The following TET1 variants were observed in gnomAD, a reference collection of about 807,000 sequenced individuals.
TET1 encodes methylcytosine dioxygenase TET1.
A neutral mutation model predicts 148.7 loss-of-function variants in TET1; 13 were observed. The observed-to-expected ratio is 0.09, with a 90% CI of 0.06 to 0.14. TET1 has a LOEUF of 0.14. Ranked by LOEUF, TET1 falls within the 10% of genes least tolerant of loss-of-function variation. TET1 has a pLI of 1.00. For synonymous variants in TET1, 907 were observed against 937.2 expected (o/e 0.97, Z 0.59); for missense variants, 2,182 against 2,553.8 (o/e 0.85, Z 3.14).
At chr10:68,637,213 G>C (rs1371513037) in intron 3 of TET1, among the ~76,000 whole-genome samples, 1 of 151,960 alleles carries the variant, frequency 6.6e-6, no homozygotes, top group African/African-American at 2.4e-5. Flanking sequence ...TGGTCAGGCT[G>C]GTCTCGAACT....
chr10:68,610,127 C>A (rs952194905), intron 3 of TET1, among the ~76,000 whole-genome samples: 5 of 151,854 alleles, frequency 3.3e-5, no homozygotes, highest in East Asian at 1.9e-4. Context: ...ACTAAAAATA[C>A]AAAAAATTAG....
intron 2 of TET1, among the ~76,000 whole-genome samples, chr10:68,586,914 A>G (rs2053868762): frequency 6.6e-6 from 1 of 152,108 alleles, no homozygotes; most frequent in South Asian, 2.1e-4. Context: ...TTGTGTATTT[A>G]TTTCATTACT....
At chr10:68,651,754 T>C in intron 4 of TET1, 92 bp from the exon 5 acceptor site, 1 of 856,522 alleles carries the variant, frequency 1.2e-6, no homozygotes, top group Non-Finnish European at 1.8e-6. Flanking sequence ...TGGTTCTGAA[T>C]TGAGGGGGAA....
intron 10 of TET1, among the ~76,000 whole-genome samples, chr10:68,683,976 G>C (rs1262390959): frequency 6.6e-6 from 1 of 152,100 alleles, no homozygotes; most frequent in East Asian, 1.9e-4. Flanking sequence ...TTGTCTGTTT[G>C]CTTCACCTGT....
intron 2 of TET1, among the ~76,000 whole-genome samples, chr10:68,599,018 A>T (rs937344758): frequency 5.9e-5 from 9 of 152,262 alleles, no homozygotes; most frequent in Admixed American, 4.6e-4. Context: ...ATTTGTTAAA[A>T]ATGTGGGTGA....
chr10:68,570,770 C>G (rs921725741), intron 1 of TET1, among the ~76,000 whole-genome samples: 1 of 151,024 alleles, frequency 6.6e-6, no homozygotes, highest in Non-Finnish European at 1.5e-5. Flanking sequence ...GCTGGGACTA[C>G]GGGCACCCGC....
At chr10:68,655,853 C>T (rs962443702) in intron 6 of TET1, among the ~76,000 whole-genome samples, 8 of 152,144 alleles carry the variant, frequency 5.3e-5, no homozygotes, top group Non-Finnish European at 1.2e-4. Flanking sequence ...AACCTGACTT[C>T]ATGGCAGAAG....
At chr10:68,623,044 C>A (rs537342479) in intron 3 of TET1, among the ~76,000 whole-genome samples, 1 of 152,202 alleles carries the variant, frequency 6.6e-6, no homozygotes, top group East Asian at 1.9e-4. Flanking sequence ...AGATCCTTGG[C>A]CAGGTTTCAC....
rs542433082 is a variant in TET1, at chr10:68,691,300, C to T, written c.5897C>T (p.Ala1966Val). ...GAAGAAGATGAGCAGCATTCTGAAG[C>T]AGATGAGCCTCCATCAGACGAACCC... ...PMEEDEQHSE[A>V]DEPPSDEPLS... The change falls in exon 12 of 12, where the codon GCA (alanine) becomes GTA (valine). Residue 1966 changes from alanine (A) to valine (V), a missense_variant. Transcript: ENST00000373644. This position sits in a 1 kb window ranked among gnomAD's most constrained non-coding sequence, Gnocchi z 4.4. The T allele has an allele frequency of 1.2e-6, 2 of 1,614,192 alleles. No homozygotes were observed. Among genetic ancestry groups the T allele is most frequent in the South Asian group, 1.1e-5 (1 of 91,082 alleles).
intron 1 of TET1, among the ~76,000 whole-genome samples, chr10:68,564,430 T>C (rs2053585687): frequency 6.6e-6 from 1 of 152,074 alleles, no homozygotes; most frequent in Non-Finnish European, 1.5e-5. Flanking sequence ...ATTATAGGTG[T>C]GAGCCACCAC....
At chr10:68,639,906 A>G (rs531550565) in intron 3 of TET1, among the ~76,000 whole-genome samples, 1 of 152,278 alleles carries the variant, frequency 6.6e-6, no homozygotes, top group East Asian at 1.9e-4. Context: ...TCTTTCTGCA[A>G]TCCTATTAGT....
rs567695559 is a variant in TET1 at position 68,651,285 on chromosome 10, T to TA, written c.4277-555dup. Among the ~76,000 whole-genome samples, 40 of 151,792 alleles carry TA rather than the reference T, an allele frequency of 2.6e-4. No individual in the cohort carries two copies. In the South Asian group the frequency reaches 7.3e-3, roughly 28 times the overall value. Reference sequence around the variant, plus strand: ...TAACATGGTGAAACCCCGTCTCTACTAAAAAATACAAAAAAAAAATTAGCC... The same window carrying TA: ...TAACATGGTGAAACCCCGTCTCTACTAAAAAAATACAAAAAAAAAATTAGCC... On this transcript the variant is annotated intron_variant, in intron 4 of 11. Coordinates refer to ENST00000373644, the MANE Select transcript of TET1 (RefSeq NM_030625.3).
intron 2 of TET1, among the ~76,000 whole-genome samples, chr10:68,574,784 G>A (rs1007147095): frequency 6.6e-6 from 1 of 152,186 alleles, no homozygotes; most frequent in Non-Finnish European, 1.5e-5. Flanking sequence ...AACTTTTGGT[G>A]AGTGATTTCT....
intron 3 of TET1, among the ~76,000 whole-genome samples, chr10:68,628,707 C>A (rs6480349): frequency 0.97 from 147,003 of 152,304 alleles, 70,983 homozygotes; most frequent in East Asian, 1. Flanking sequence ...GCTGCTGGAC[C>A]GGGGAAGGAT....
intron 3 of TET1, among the ~76,000 whole-genome samples, chr10:68,611,495 A>G (rs995277930): frequency 6.6e-6 from 1 of 151,312 alleles, no homozygotes; most frequent in Non-Finnish European, 1.5e-5. Context: ...CTTCAAGAAA[A>G]AAATAAGTGG....
chr10:68,680,953 A>G (rs1320438123), intron 8 of TET1, among the ~76,000 whole-genome samples: 1 of 152,366 alleles, frequency 6.6e-6, no homozygotes, highest in East Asian at 1.9e-4. Context: ...CATTTGAAAC[A>G]GGATCTCACA....
At chr10:68,651,572 G>C (rs1308665209) in intron 4 of TET1, among the ~76,000 whole-genome samples, 1 of 151,936 alleles carries the variant, frequency 6.6e-6, no homozygotes, top group Non-Finnish European at 1.5e-5. Context: ...TTAAGCAGGA[G>C]ATAGGAGTAT....
intron 2 of TET1, among the ~76,000 whole-genome samples, chr10:68,594,514 G>A (rs764550656): frequency 2.8e-4 from 43 of 152,182 alleles, no homozygotes; most frequent in Non-Finnish European, 4.9e-4. Context: ...AAGAGCAAGA[G>A]TAGCCTCAGG....
At chr10:68,674,627 C>T in intron 8 of TET1, 1 of 477,220 alleles carries the variant, frequency 2.1e-6, no homozygotes, top group Non-Finnish European at 4.0e-6. Context: ...TGGCGTGGAT[C>T]TTACCTGTGA....
Sources: allele counts gnomAD v4.1 joint callset (sites outside exome capture counted in the v4.1 genomes callset), GRCh38; gene constraint gnomAD v4.1.1; non-coding constraint Gnocchi (gnomAD v3.1); transcripts MANE v1.5; gene names NCBI Gene and HGNC (gene_info 2026-07-23, HGNC 2026-07-21).